The following RGS5 variants were observed in gnomAD, a reference collection of about 807,000 sequenced individuals.
RGS5 encodes regulator of G-protein signalling 5.
RGS5 carries 20 observed loss-of-function variants against 18.9 expected under a neutral mutation model. That is an observed-to-expected ratio of 1.06 (90% CI 0.74 to 1.54). The LOEUF (loss-of-function observed/expected upper bound fraction) is 1.54. RGS5 is among the 40% of genes most tolerant of loss of function. The pLI is 0.00. For missense variants in RGS5, 201 were observed against 211.8 expected, an observed-to-expected ratio of 0.95 and a Z score of 0.32; for synonymous variants, 57 against 76.2, an observed-to-expected ratio of 0.75 and a Z score of 1.31.
At chr1:163,300,237 T>C (rs568446281) in intron 2 of RGS5, among the ~76,000 whole-genome samples, 1 of 152,346 alleles carries the variant, frequency 6.6e-6, no homozygotes, top group Admixed American at 6.5e-5. Flanking sequence ...GGTCTTGTGA[T>C]TCTCACCTCA....
Position 163,161,736 on chromosome 1 carries a change from CT to C in RGS5, c.217+178del, listed in dbSNP as rs1657805522. The C allele has an allele frequency of 9.3e-6, 5 of 537,646 alleles. No homozygotes were observed. In the East Asian group the frequency reaches 1.6e-4, roughly 17 times the overall value. The allele number at this position is 537,646 out of a possible 1,614,324, so 33.3% of individuals were successfully genotyped here. On this transcript the variant is annotated intron_variant, in intron 3 of 4. Transcript: ENST00000313961. ...ACATTCCCTCATAGTGCCACAGACC[CT>C]CCTTTTCTTGTGAACTGGATAATCA...
In RGS5 at chr1:163,191,667, C is replaced by A. The variant is rs1389099171; in HGVS notation, c.44+11125G>T. 2.6e-5 allele frequency among the ~76,000 whole-genome samples: 4 copies of A among 152,146 alleles called. 1 individual carries two copies. Among genetic ancestry groups the A allele is most frequent in the Admixed American group, 6.6e-5 (1 of 15,264 alleles). ...CTGAGTGATAATGGTGCTAGGAGCA[C>A]CTTTTATTCTAATACTTGGTTTCTG... On this transcript the variant is annotated intron_variant, in intron 1 of 4. Transcript: ENST00000313961.
chr1:163,255,137 T>G (rs1218608556), intron 2 of RGS5, among the ~76,000 whole-genome samples: 1 of 152,166 alleles, frequency 6.6e-6, no homozygotes, highest in Non-Finnish European at 1.5e-5. Context: ...GTGGGCTCTT[T>G]TTTGGTTCCA....
chr1:163,167,010 A>G (rs1658082757), intron 2 of RGS5, among the ~76,000 whole-genome samples: 1 of 152,194 alleles, frequency 6.6e-6, no homozygotes, highest in Non-Finnish European at 1.5e-5. Context: ...TCCTTTTCAA[A>G]TGCAGAAAAC....
chr1:163,243,833 C>A (rs992069110), intron 2 of RGS5, among the ~76,000 whole-genome samples: 13 of 149,844 alleles, frequency 8.7e-5, no homozygotes, highest in African/African-American at 3.2e-4. Flanking sequence ...CACACACATA[C>A]ACACATTGGT....
intron 2 of RGS5, among the ~76,000 whole-genome samples, chr1:163,255,633 C>G (rs1262411666): frequency 6.6e-6 from 1 of 150,960 alleles, no homozygotes; most frequent in African/African-American, 2.4e-5. Flanking sequence ...CATCCTGATA[C>G]CAAAGCCGGG....
chr1:163,231,754 T>TA (rs59080668), intron 2 of RGS5, among the ~76,000 whole-genome samples: 1,469 of 133,342 alleles, frequency 0.011, 59 homozygotes, highest in Admixed American at 0.07. Flanking sequence ...GTGGTAAAAT[T>TA]AAAAAAAAAA....
intron 1 of RGS5, among the ~76,000 whole-genome samples, chr1:163,189,134 GC>G (rs1489391246): frequency 1.3e-5 from 2 of 152,152 alleles, no homozygotes; most frequent in Non-Finnish European, 2.9e-5. Flanking sequence ...CACTGAATAT[GC>G]CTGTATTCCC....
chr1:163,147,338 A>AT lies in RGS5; in HGVS notation c.*3dup. On this transcript the variant is annotated 3_prime_UTR_variant, in exon 5 of 5. Coordinates refer to ENST00000313961, the MANE Select transcript of RGS5 (RefSeq NM_003617.4). ...CAGGATGATTTCATAGCCTGGCTAA[A>AT]TTACTACTTGATTAACTCCTGATAA... is the stretch of plus-strand genomic sequence containing the variant. 1 of 1,585,390 alleles carries AT rather than the reference A, an allele frequency of 6.3e-7. No homozygotes were observed. Among genetic ancestry groups the AT allele is most frequent in the Non-Finnish European group, 8.6e-7 (1 of 1,168,704 alleles).
Position 163,161,983 on chromosome 1 carries a change from C to CAATA in RGS5, c.156-11_156-8dup, listed in dbSNP as rs1239722322. The CAATA allele has an allele frequency of 2.5e-6, 4 of 1,610,640 alleles. No homozygotes were observed. The African/African-American group carries it at 5.3e-5, about 22-fold the overall frequency. On this transcript the variant is annotated splice_region_variant and splice_polypyrimidine_tract_variant and intron_variant, in intron 2 of 4. Coordinates refer to ENST00000313961, the MANE Select transcript of RGS5 (RefSeq NM_003617.4). ...GGCCTCGTCCAGCGAGGTTCTACAT[C>CAATA]AATAATAAGGAGAGAAAAGGGGTAT...
At chr1:163,315,354 C>T (rs1002674638) in intron 1 of RGS5, among the ~76,000 whole-genome samples, 3 of 152,048 alleles carry the variant, frequency 2.0e-5, no homozygotes, top group African/African-American at 7.2e-5. Flanking sequence ...GCCAGGAGTT[C>T]GAGATCAGCC....
At position 163,274,067 on chromosome 1, in the gene RGS5, AT is replaced by A. The variant is rs1462586032; in HGVS notation, c.-281+32165del. Among the ~76,000 whole-genome samples, 12 of 152,298 alleles carry A rather than the reference AT, an allele frequency of 7.9e-5. No homozygotes were observed. The South Asian group carries it at 1.0e-3, about 13-fold the overall frequency. On this transcript the variant is annotated intron_variant, in intron 2 of 5. Transcript: ENST00000618415. ...TGAATTGGCATGGAAATAAAAATAC[AT>A]TTGGTCTTGGCCCCTGGTTCCTGAC...
chr1:163,226,293 T>C (rs1363140387), intron 2 of RGS5, among the ~76,000 whole-genome samples: 2 of 152,186 alleles, frequency 1.3e-5, no homozygotes, highest in Non-Finnish European at 2.9e-5. Context: ...ATAAAAATTG[T>C]TCACTGGGTA....
intron 2 of RGS5, among the ~76,000 whole-genome samples, chr1:163,300,073 C>G (rs773477273): frequency 1.3e-5 from 2 of 152,238 alleles, no homozygotes; most frequent in East Asian, 3.9e-4. Context: ...TCATGTTTCC[C>G]GAGGTAAACA....
intron 2 of RGS5, among the ~76,000 whole-genome samples, chr1:163,228,082 G>T (rs938359819): frequency 6.6e-6 from 1 of 152,156 alleles, no homozygotes; most frequent in Non-Finnish European, 1.5e-5. Context: ...GCTATTGGTG[G>T]ATCTACCATT....
At chr1:163,184,137 G>C (rs1571256832) in intron 1 of RGS5, among the ~76,000 whole-genome samples, 1 of 152,164 alleles carries the variant, frequency 6.6e-6, no homozygotes, top group Non-Finnish European at 1.5e-5. Flanking sequence ...GCTTAATGGA[G>C]CAACAAAGTC....
chr1:163,237,139 G>C (rs1323309208), intron 2 of RGS5: 1 of 152,316 alleles, frequency 6.6e-6, no homozygotes, highest in Non-Finnish European at 1.5e-5. Flanking sequence ...CACAACTCTG[G>C]AACATTGTTG....
At chr1:163,167,138 CTT>C (rs1658089292) in intron 2 of RGS5, among the ~76,000 whole-genome samples, 1 of 152,172 alleles carries the variant, frequency 6.6e-6, no homozygotes, top group South Asian at 2.1e-4. Context: ...TAACTCATCT[CTT>C]TATCTCCCAA....
At chr1:163,215,466 T>C (rs1660196206) in intron 1 of RGS5, among the ~76,000 whole-genome samples, 1 of 152,180 alleles carries the variant, frequency 6.6e-6, no homozygotes, top group African/African-American at 2.4e-5. Flanking sequence ...ATAGTAAACA[T>C]GCAATACTAG....
Sources: allele counts gnomAD v4.1 joint callset (sites outside exome capture counted in the v4.1 genomes callset), GRCh38; gene constraint gnomAD v4.1.1; transcripts MANE v1.5; gene names NCBI Gene and HGNC (gene_info 2026-07-23, HGNC 2026-07-21).